The following STXBP4 variants were observed in gnomAD, a reference collection of about 807,000 sequenced individuals.
STXBP4 encodes the protein syntaxin-binding protein 4.
In STXBP4, 55 loss-of-function variants were observed where a neutral mutation model predicts 76.1. That is an observed-to-expected ratio of 0.72 (90% CI 0.58 to 0.91). The LOEUF (loss-of-function observed/expected upper bound fraction) is 0.91. Ranked by LOEUF, STXBP4 falls within the 40% of genes least tolerant of loss-of-function variation. STXBP4 has a pLI of 0.00. For synonymous variants in STXBP4, 201 were observed against 220.2 expected (o/e 0.91, Z 0.77); for missense variants, 618 against 636.9 (o/e 0.97, Z 0.32).
At chr17:55,159,496 A>T (rs1000672827) in intron 17 of STXBP4, among the ~76,000 whole-genome samples, 1 of 152,204 alleles carries the variant, frequency 6.6e-6, no homozygotes, top group African/African-American at 2.4e-5. Context: ...GATTCCAGAG[A>T]TGTTACAGCA....
At chr17:55,064,589 G>C (rs2079027301) in intron 12 of STXBP4, among the ~76,000 whole-genome samples, 1 of 152,130 alleles carries the variant, frequency 6.6e-6, no homozygotes, top group South Asian at 2.1e-4. Context: ...CAGCTCCCGG[G>C]TTCAAGCGAT....
At chr17:54,985,475 T>C (rs562069218) in intron 1 of STXBP4, 139 bp from the exon 2 acceptor site, 1 of 152,354 alleles carries the variant, frequency 6.6e-6, no homozygotes, top group South Asian at 2.1e-4. Context: ...GTTCCTTTGC[T>C]TCATTCATTG....
intron 1 of STXBP4, among the ~76,000 whole-genome samples, chr17:54,985,058 A>G (rs566573706): frequency 6.6e-6 from 1 of 152,310 alleles, no homozygotes; most frequent in Admixed American, 6.5e-5. Flanking sequence ...CAAGGTCAAG[A>G]TGCCATTTTT....
intron 1 of STXBP4, among the ~76,000 whole-genome samples, chr17:54,969,182 C>G (rs971060968): frequency 6.6e-6 from 1 of 152,142 alleles, no homozygotes; most frequent in South Asian, 2.1e-4. Context: ...TCTGATGCCC[C>G]TTACAACTTG....
At chr17:55,052,195 T>C (rs960433032) in intron 12 of STXBP4, among the ~76,000 whole-genome samples, 12 of 151,980 alleles carry the variant, frequency 7.9e-5, no homozygotes, top group Admixed American at 3.9e-4. Context: ...ATGACAAATT[T>C]CAGAAATGAG....
intron 1 of STXBP4, among the ~76,000 whole-genome samples, chr17:54,979,516 C>G (rs956182260): frequency 6.6e-6 from 1 of 152,128 alleles, no homozygotes; most frequent in Non-Finnish European, 1.5e-5. Context: ...CCTTTCTTTT[C>G]TTTTATTCCC....
chr17:55,105,741 G>T (rs370711714), intron 16 of STXBP4, among the ~76,000 whole-genome samples: 2 of 152,102 alleles, frequency 1.3e-5, no homozygotes, highest in Non-Finnish European at 2.9e-5. Flanking sequence ...GCCTCCCAAA[G>T]TGCTGGGATT....
intron 16 of STXBP4, among the ~76,000 whole-genome samples, chr17:55,107,195 T>C (rs1022334751): frequency 6.6e-6 from 1 of 152,202 alleles, no homozygotes; most frequent in Non-Finnish European, 1.5e-5. Flanking sequence ...TGATCTTCAA[T>C]CTCTGATATC....
At chr17:55,036,406 T>C (rs1490114934) in intron 10 of STXBP4, among the ~76,000 whole-genome samples, 4 of 126,934 alleles carry the variant, frequency 3.2e-5, no homozygotes, top group African/African-American at 1.0e-4. Context: ...TCTAGTCACC[T>C]TACGCTTTTT....
rs531500056 is a variant in STXBP4, at chr17:55,031,209, C to G, written c.708C>G (p.His236Gln). Residue 236 changes from histidine (H) to glutamine (Q), a missense_variant, in exon 9 of 18, where the codon CAC becomes CAG. By Grantham distance (24) the His-to-Gln change is conservative. Coordinates refer to ENST00000376352, the MANE Select transcript of STXBP4 (RefSeq NM_178509.6). The part of the protein sequence containing the change: ...YLGIQPTKEQ[H>Q]QALRQQVQAD... ...GTATTCAGCCCACAAAGGAACAACACCAAGCCCTGAGACAGCAAGTACAAG... is the reference window on the plus strand; with the variant it reads ...GTATTCAGCCCACAAAGGAACAACAGCAAGCCCTGAGACAGCAAGTACAAG... 1 of 1,613,364 alleles carries G rather than the reference C, an allele frequency of 6.2e-7. No individual in the cohort carries two copies. The highest frequency in any genetic ancestry group is 1.3e-5 in the African/African-American group (1 of 75,004).
intron 8 of STXBP4, 82 bp from the exon 9 acceptor site, chr17:55,031,086 C>T (rs898461271): frequency 8.6e-6 from 9 of 1,046,346 alleles, no homozygotes; most frequent in African/African-American, 6.4e-5. Context: ...GATTATTTTC[C>T]CTGGGTTGTA....
intron 12 of STXBP4, among the ~76,000 whole-genome samples, chr17:55,056,776 G>A (rs908005206): frequency 6.6e-6 from 1 of 152,124 alleles, no homozygotes; most frequent in African/African-American, 2.4e-5. Context: ...ATCTGCCAAG[G>A]CAGGCAGATC....
chr17:55,198,303 T>C, the STXBP4 span, among the ~76,000 whole-genome samples: 1 of 152,206 alleles, frequency 6.6e-6, no homozygotes, highest in Non-Finnish European at 1.5e-5. Context: ...TACTTAGGTG[T>C]GGAAAGTTGG....
intron 16 of STXBP4, among the ~76,000 whole-genome samples, chr17:55,094,316 G>A (rs2079456026): frequency 6.6e-6 from 1 of 152,062 alleles, no homozygotes; most frequent in South Asian, 2.1e-4. Flanking sequence ...AAGTGTCGTA[G>A]GAAGGCACAA....
At chr17:55,211,300 C>A in the STXBP4 span, among the ~76,000 whole-genome samples, 2 of 151,858 alleles carry the variant, frequency 1.3e-5, no homozygotes, top group African/African-American at 4.8e-5. Context: ...AGTGCAGTGG[C>A]GAGATATGGG....
chr17:55,157,540 A>T (rs1308393055), intron 17 of STXBP4, among the ~76,000 whole-genome samples: 1 of 152,208 alleles, frequency 6.6e-6, no homozygotes, highest in African/African-American at 2.4e-5. Flanking sequence ...GAGAATAATG[A>T]TTCTTTGTAC....
intron 10 of STXBP4, among the ~76,000 whole-genome samples, chr17:55,034,643 A>G (rs2078567442): frequency 6.6e-6 from 1 of 152,120 alleles, no homozygotes; most frequent in African/African-American, 2.4e-5. Context: ...ATGAAATTTT[A>G]TAGCCTAAAC....
At chr17:55,063,705 G>A (rs1366457641) in intron 12 of STXBP4, among the ~76,000 whole-genome samples, 1 of 152,166 alleles carries the variant, frequency 6.6e-6, no homozygotes, top group Non-Finnish European at 1.5e-5. Context: ...TTTCTAGAAA[G>A]CATTTCATAA....
At chr17:54,974,585 G>A (rs1295629902) in intron 1 of STXBP4, among the ~76,000 whole-genome samples, 1 of 152,216 alleles carries the variant, frequency 6.6e-6, no homozygotes, top group Non-Finnish European at 1.5e-5. Context: ...AATATGACCT[G>A]TGCAGTCACA....
Sources: gnomAD v4.1 joint callset for allele counts (sites outside exome capture counted in the v4.1 genomes callset) on GRCh38, gnomAD v4.1.1 for gene constraint, MANE v1.5 for transcripts, NCBI Gene and HGNC (gene_info 2026-07-23, HGNC 2026-07-21) for gene names.